Variants in ZFX observed in about 807,000 individuals in gnomAD.
ZFX encodes the protein zinc finger protein X-linked, also known as zinc finger X-chromosomal protein.
For synonymous variants in ZFX, 196 were observed against 226.8 expected (o/e 0.86, Z 1.22); for missense variants, 362 against 628.3 (o/e 0.58, Z 4.53).
intron 9 of ZFX, among the ~76,000 whole-genome samples, chrX:24,209,653 G>A (rs1937913144): frequency 9.0e-6 from 1 of 110,895 alleles, no homozygotes; most frequent in Non-Finnish European, 1.9e-5. Flanking sequence ...AACTCACACT[G>A]CAACCTCTGC....
intron 3 of ZFX, among the ~76,000 whole-genome samples, chrX:24,169,240 A>G (rs1375722149): frequency 8.9e-6 from 1 of 111,856 alleles, no homozygotes; most frequent in Non-Finnish European, 1.9e-5. Context: ...GGGCACCCCC[A>G]TGTAGGCCAG....
intron 4 of ZFX, chrX:24,173,705 C>T (rs375687439): frequency 1.6e-5 from 9 of 566,921 alleles, no homozygotes; most frequent in African/African-American, 1.4e-4. Context: ...CTCAGCTTCC[C>T]GAGTAACTGG....
In ZFX at chrX:24,210,584, C is replaced by T. The variant is rs762361961; in HGVS notation, c.1626C>T (p.His542=). The T allele has an allele frequency of 5.8e-6, 7 of 1,210,174 alleles. No homozygotes were observed. In the East Asian group the frequency reaches 1.8e-4, roughly 31 times the overall value. Residue 542 remains histidine (H), a synonymous_variant, in exon 10 of 10, where the codon CAC becomes CAT. Transcript: ENST00000304543. The part of the protein sequence containing the change: ...GLLNRHLLAV[H]SKNFPHICVE... The stretch of plus-strand genomic sequence containing the variant: ...TGAATCGCCACCTCTTGGCAGTCCA[C>T]AGCAAGAACTTTCCTCATATTTGTG...
intron 5 of ZFX, among the ~76,000 whole-genome samples, chrX:24,183,401 G>A (rs1238489235): frequency 2.7e-5 from 3 of 111,586 alleles, no homozygotes; most frequent in Non-Finnish European, 5.7e-5. Flanking sequence ...GCCTAGGCTG[G>A]TCTTGAACTC....
At chrX:24,195,422 G>A (rs1311755974) in intron 5 of ZFX, among the ~76,000 whole-genome samples, 2 of 108,290 alleles carry the variant, frequency 1.8e-5, no homozygotes, top group Admixed American at 2.0e-4. Flanking sequence ...GCGCGATCTC[G>A]GCTCACTGCA....
chrX:24,153,314 C>T (rs1348689063), intron 3 of ZFX, among the ~76,000 whole-genome samples: 4 of 111,448 alleles, frequency 3.6e-5, no homozygotes, highest in Admixed American at 2.9e-4. Context: ...CCCCTCCCTT[C>T]CCCTTCATGC....
intron 5 of ZFX, among the ~76,000 whole-genome samples, chrX:24,192,320 G>C (rs1374612261): frequency 9.0e-6 from 1 of 111,729 alleles, no homozygotes; most frequent in East Asian, 2.8e-4. Context: ...ACTGCCCCTT[G>C]AGGTAACTTA....
chrX:24,199,418 C>G (rs1263549082), intron 5 of ZFX, among the ~76,000 whole-genome samples: 1 of 109,638 alleles, frequency 9.1e-6, no homozygotes, highest in South Asian at 4.0e-4. Context: ...CCATGCCTGG[C>G]TAATTTTTTA....
Position 24,214,590 on chromosome X carries a change from C to G in ZFX, c.*3214C>G, listed in dbSNP as rs1419601044. On this transcript the variant is annotated 3_prime_UTR_variant, in exon 10 of 10. Transcript: ENST00000304543. ...CTTGATTGCTTTGAATTTTGTGACT[C>G]GGATGCAAATACTGGTAATATTTCA... The G allele has an allele frequency of 8.9e-6, 1 of 112,107 alleles. No individual in the cohort carries two copies. Among genetic ancestry groups the G allele is most frequent in the Non-Finnish European group, 1.9e-5 (1 of 53,164 alleles). 9.2% of individuals were successfully genotyped at this position (112,107 alleles called of 1,213,427 possible).
intron 5 of ZFX, among the ~76,000 whole-genome samples, chrX:24,198,266 G>A (rs1309319922): frequency 9.0e-6 from 1 of 111,223 alleles, no homozygotes; most frequent in African/African-American, 3.3e-5. Context: ...GCAGTGGCAC[G>A]ATCATGACTC....
chrX:24,201,779 G>T (rs370746446), intron 5 of ZFX, among the ~76,000 whole-genome samples: 2 of 112,084 alleles, frequency 1.8e-5, no homozygotes, highest in South Asian at 3.7e-4. Flanking sequence ...CATTAATATT[G>T]ACTCTTTCTC....
intron 4 of ZFX, among the ~76,000 whole-genome samples, chrX:24,177,303 T>C (rs1469104247): frequency 2.7e-5 from 3 of 112,447 alleles, no homozygotes; most frequent in Non-Finnish European, 5.6e-5. Flanking sequence ...TCATTCAGAA[T>C]AATATTTTCT....
At position 24,215,344 on chromosome X, in the gene ZFX, A is replaced by T. The variant is rs967464552; in HGVS notation, c.*3968A>T. 8.9e-6 allele frequency: 1 copy of T among 111,949 alleles called. No individual in the cohort carries two copies. Among genetic ancestry groups the T allele is most frequent in the Non-Finnish European group, 1.9e-5 (1 of 53,201 alleles). The allele number at this position is 111,949 out of a possible 1,213,427, so 9.2% of individuals were successfully genotyped here. A position where few individuals can be genotyped will look rare whatever the true frequency, so the allele number is the denominator to read the frequency against. ...TGGCTAATCAATATCTTAAAGGGGC[A>T]ATCTTTCAGAGCAGTGGTTTTCAAA... On this transcript the variant is annotated 3_prime_UTR_variant, in exon 10 of 10. Coordinates refer to ENST00000304543, the MANE Select transcript of ZFX (RefSeq NM_003410.4).
At chrX:24,165,457 G>A (rs867280467) in intron 3 of ZFX, among the ~76,000 whole-genome samples, 2 of 112,761 alleles carry the variant, frequency 1.8e-5, no homozygotes, top group Admixed American at 1.9e-4. Context: ...ATTGCTCATT[G>A]AGAAGGGGTT....
intron 1 of ZFX, chrX:24,150,257 G>C (rs1187970422): frequency 9.7e-6 from 1 of 103,532 alleles, no homozygotes; most frequent in East Asian, 3.1e-4. Flanking sequence ...GGGTTGCCGG[G>C]AGGGGGAGCC....
At chrX:24,170,085 C>A (rs755969257) in intron 3 of ZFX, among the ~76,000 whole-genome samples, 1 of 110,792 alleles carries the variant, frequency 9.0e-6, no homozygotes, top group Non-Finnish European at 1.9e-5. Flanking sequence ...GGCTTAAATA[C>A]CTTAATGTAT....
At chrX:24,189,807 C>G (rs781470028) in intron 5 of ZFX, among the ~76,000 whole-genome samples, 1 of 111,247 alleles carries the variant, frequency 9.0e-6, no homozygotes, top group Admixed American at 9.6e-5. Context: ...TTGATTGATT[C>G]TAGGGACTAT....
intron 4 of ZFX, among the ~76,000 whole-genome samples, chrX:24,174,442 G>A (rs1342032749): frequency 3.0e-5 from 3 of 101,529 alleles, no homozygotes. Flanking sequence ...TCACCAGGCT[G>A]GAGTGCAGTG....
intron 4 of ZFX, among the ~76,000 whole-genome samples, chrX:24,174,066 A>G (rs1277072821): frequency 3.6e-5 from 4 of 109,814 alleles, no homozygotes; most frequent in African/African-American, 9.9e-5. Context: ...CAAAAAAATT[A>G]TCTGGGTGTG....
Sources: allele counts gnomAD v4.1 joint callset (sites outside exome capture counted in the v4.1 genomes callset), GRCh38; gene constraint gnomAD v4.1.1; transcripts MANE v1.5; gene names NCBI Gene and HGNC (gene_info 2026-07-23, HGNC 2026-07-21).